ILK: variants seen among roughly 807,000 people sequenced by gnomAD.
The protein encoded by ILK is scaffold protein ILK.
A neutral mutation model predicts 57.8 loss-of-function variants in ILK; 37 were observed. That is an observed-to-expected ratio of 0.64 (90% CI 0.49 to 0.84). ILK has a LOEUF of 0.84. ILK is among the 40% of genes least tolerant of loss of function. The pLI is 0.00. For missense variants in ILK, 528 were observed against 595.7 expected, an observed-to-expected ratio of 0.89 and a Z score of 1.18; for synonymous variants, 231 against 202.2, an observed-to-expected ratio of 1.14 and a Z score of -1.21.
chr11:6,608,913 A>G lies in ILK; in HGVS notation c.478A>G (p.Asn160Asp). The G allele has an allele frequency of 6.2e-7, 1 of 1,613,984 alleles. No individual in the cohort carries two copies. The highest frequency in any genetic ancestry group is 8.5e-7 in the Non-Finnish European group (1 of 1,179,866). ...GGCAGAGAAGATGGGCCAGAATCTC[A>G]ACCGTATTCCATACAAGGACACATT... ...ERAEKMGQNLNRIPYKDTFWK... is the reference protein window; with the variant it reads ...ERAEKMGQNLDRIPYKDTFWK... Residue 160 changes from asparagine (N) to aspartate (D), a missense_variant, in exon 6 of 13, where the codon AAC becomes GAC. Asn to Asp is a conservative substitution (Grantham distance 23). Coordinates refer to ENST00000299421, the MANE Select transcript of ILK (RefSeq NM_004517.4). The surrounding 1 kb of genome is among the most constrained non-coding windows in gnomAD (Gnocchi z 4.9).
intron 11 of ILK, 25 bp downstream of exon 11, chr11:6,610,060 G>A (rs1286002827): frequency 1.2e-6 from 2 of 1,613,980 alleles, no homozygotes; most frequent in South Asian, 1.1e-5. Context: ...CATGTCGGGA[G>A]GTAAAAAAGG....
rs767383055 is a variant in ILK at position 6,609,128 on chromosome 11, C to A, written c.590C>A (p.Thr197Lys). ...GACTTCAAACAGCTTAACTTCCTGA[C>A]GAAGCTCAACGAGAATCACTCTGGA... is the stretch of plus-strand genomic sequence containing the variant. ...GIDFKQLNFL[T>K]KLNENHSGEL... Residue 197 changes from threonine to lysine, a missense_variant, in exon 7 of 13, where the codon ACG (threonine) becomes AAG (lysine). Physicochemically the swap from Thr to Lys is moderately conservative, Grantham distance 78. Transcript: ENST00000299421. The A allele has an allele frequency of 1.9e-6, 3 of 1,614,128 alleles. No homozygotes were observed. The highest frequency in any genetic ancestry group is 8.5e-7 in the Non-Finnish European group (1 of 1,179,956).
chr11:6,608,481 G>A lies in ILK; in HGVS notation c.343G>A (p.Val115Met). Reference sequence around the variant, plus strand: ...TGCCTGTTTTTGGGGCCAAGATCAAGTGGCAGAGGTGAGTACTCAGCCCTT... The same window carrying A: ...TGCCTGTTTTTGGGGCCAAGATCAAATGGCAGAGGTGAGTACTCAGCCCTT... The part of the protein sequence containing the change: ...HYACFWGQDQ[V>M]AEDLVANGAL... Residue 115 changes from valine (V) to methionine (M), a missense_variant, in exon 4 of 13, where the codon GTG becomes ATG. Val to Met is a conservative substitution (Grantham distance 21). Transcript: ENST00000299421. The surrounding 1 kb of genome is among the most constrained non-coding windows in gnomAD (Gnocchi z 4.9). 1 of 1,612,676 alleles carries A rather than the reference G, an allele frequency of 6.2e-7. No individual in the cohort carries two copies. The highest frequency in any genetic ancestry group is 8.5e-7 in the Non-Finnish European group (1 of 1,178,606).
intron 12 of ILK, 31 bp from the exon 13 acceptor site, chr11:6,610,431 T>C (rs756874251): frequency 6.2e-7 from 1 of 1,614,166 alleles, no homozygotes; most frequent in South Asian, 1.1e-5. Context: ...AGACTCAAAT[T>C]GTGAGGCTGC....
intron 2 of ILK, among the ~76,000 whole-genome samples, chr11:6,605,299 C>T (rs987427128): frequency 6.6e-6 from 1 of 151,958 alleles, no homozygotes; most frequent in Non-Finnish European, 1.5e-5. Context: ...TGAAGGAGAA[C>T]GTCTCAGGAG....
chr11:6,609,203 T>G, intron 7 of ILK, 47 bp downstream of exon 7: 1 of 1,600,314 alleles, frequency 6.2e-7, no homozygotes, highest in South Asian at 1.1e-5. Flanking sequence ...CCCCATAAAT[T>G]ACTTGCTTTG....
intron 2 of ILK, chr11:6,604,566 C>T (rs945459393): frequency 4.7e-6 from 3 of 643,504 alleles, no homozygotes; most frequent in Non-Finnish European, 8.4e-6. Flanking sequence ...CAGGCAGAGG[C>T]TACAGAGAGC....
Position 6,609,533 on chromosome 11 carries a change from G to T in ILK, c.750G>T (p.Val250=). Residue 250 remains valine, a synonymous_variant, in exon 9 of 13, where the codon GTG becomes GTT. Transcript: ENST00000299421. ...CTAGGATTTTCTCGCATCCAAATGT[G>T]CTCCCAGTGCTAGGTGCCTGCCAGT... ...PRLRIFSHPN[V]LPVLGACQSP... 6.2e-7 allele frequency: 1 copy of T among 1,614,058 alleles called. No homozygotes were observed. Among genetic ancestry groups the T allele is most frequent in the South Asian group, 1.1e-5 (1 of 91,072 alleles).
Position 6,608,441 on chromosome 11 carries a change from T to C in ILK, c.303T>C (p.Asn101=), listed in dbSNP as rs1315181167. Residue 101 remains asparagine (N), a synonymous_variant, in exon 4 of 13, where the codon AAT becomes AAC. Coordinates refer to ENST00000299421, the MANE Select transcript of ILK (RefSeq NM_004517.4). The surrounding 1 kb of genome is among the most constrained non-coding windows in gnomAD (Gnocchi z 4.9). The stretch of plus-strand genomic sequence containing the variant: ...TCAATGCAGTGAATGAACACGGGAA[T>C]GTGCCCCTGCACTATGCCTGTTTTT... ...ADINAVNEHG[N]VPLHYACFWG... is the part of the protein sequence containing the mutation. The C allele has an allele frequency of 6.2e-7, 1 of 1,614,212 alleles. No individual in the cohort carries two copies. The highest frequency in any genetic ancestry group is 8.5e-7 in the Non-Finnish European group (1 of 1,180,028).
chr11:6,608,782 T>C lies in ILK; in HGVS notation c.440T>C (p.Leu147Pro), dbSNP rs756684423. ...AAAGCCAAGGCACCCCTGAGAGAGC[T>C]TCTCCGAGGTCCATCTCCCCATCCC... ...VDKAKAPLRE[L>P]LRERAEKMGQ... Residue 147 changes from leucine to proline, a missense_variant, in exon 5 of 13, where the codon CTT (leucine) becomes CCT (proline). Physicochemically the swap from Leu to Pro is moderately conservative, Grantham distance 98 (BLOSUM62 -3). Coordinates refer to ENST00000299421, the MANE Select transcript of ILK (RefSeq NM_004517.4). This position sits in a 1 kb window ranked among gnomAD's most constrained non-coding sequence, Gnocchi z 4.9. The C allele has an allele frequency of 1.9e-6, 3 of 1,613,684 alleles. No homozygotes were observed. Among genetic ancestry groups the C allele is most frequent in the African/African-American group, 1.3e-5 (1 of 74,916 alleles).
Position 6,608,967 on chromosome 11 carries a change from CG to C in ILK, c.532+1del. ...GAAGGGGACCACCCGCACTCGGCCCCGTGAGTCACCACTGTGGGAAGAAGGG... is the reference window on the plus strand; with the variant it reads ...GAAGGGGACCACCCGCACTCGGCCCCTGAGTCACCACTGTGGGAAGAAGGG... On this transcript the variant is annotated splice_donor_variant, in intron 6 of 12. Coordinates refer to ENST00000299421, the MANE Select transcript of ILK (RefSeq NM_004517.4). LOFTEE classifies it high-confidence loss of function. This position sits in a 1 kb window ranked among gnomAD's most constrained non-coding sequence, Gnocchi z 4.9. 1 of 1,614,088 alleles carries C rather than the reference CG, an allele frequency of 6.2e-7. No individual in the cohort carries two copies. The highest frequency in any genetic ancestry group is 8.5e-7 in the Non-Finnish European group (1 of 1,179,948).
intron 2 of ILK, among the ~76,000 whole-genome samples, chr11:6,605,476 A>C (rs987218907): frequency 2.6e-5 from 4 of 152,046 alleles, no homozygotes; most frequent in Non-Finnish European, 5.9e-5. Flanking sequence ...ATCAAAGAAC[A>C]TTAATATTTT....
Position 6,608,007 on chromosome 11 carries a change from C to T in ILK, c.90-39C>T. 1 of 1,609,590 alleles carries T rather than the reference C, an allele frequency of 6.2e-7. No homozygotes were observed. Among genetic ancestry groups the T allele is most frequent in the Non-Finnish European group, 8.5e-7 (1 of 1,176,986 alleles). On this transcript the variant is annotated intron_variant, in intron 2 of 12. Coordinates refer to ENST00000299421, the MANE Select transcript of ILK (RefSeq NM_004517.4). This position sits in a 1 kb window ranked among gnomAD's most constrained non-coding sequence, Gnocchi z 4.9. ...TCAGGAATCAAAACCTTTGCCCCAT[C>T]CCACCTCCAGCTCAATGACCATTGC...
chr11:6,606,016 A>T (rs568795487), intron 2 of ILK, among the ~76,000 whole-genome samples: 1 of 152,314 alleles, frequency 6.6e-6, no homozygotes, highest in East Asian at 1.9e-4. Flanking sequence ...TCTACTAAAA[A>T]TACAAAAATT....
chr11:6,606,542 G>C (rs1854924723), intron 2 of ILK: 1 of 150,424 alleles, frequency 6.6e-6, no homozygotes, highest in Admixed American at 6.6e-5. Flanking sequence ...CAGTTGCCCA[G>C]TGGGCCTAGC....
chr11:6,610,395 G>C (rs546661999), intron 12 of ILK, 67 bp from the exon 13 acceptor site: 48 of 1,613,306 alleles, frequency 3.0e-5, no homozygotes, highest in South Asian at 2.6e-4. Flanking sequence ...CCTGTCCCAA[G>C]GGCCAGTGGC....
Position 6,610,800 on chromosome 11 carries a change from A to T in ILK, c.*189A>T. The T allele has an allele frequency of 7.3e-7, 1 of 1,370,582 alleles. No homozygotes were observed. The highest frequency in any genetic ancestry group is 1.0e-6 in the Non-Finnish European group (1 of 971,740). The allele number at this position is 1,370,582 out of a possible 1,614,324, so 84.9% of individuals were successfully genotyped here. On this transcript the variant is annotated 3_prime_UTR_variant, in exon 13 of 13. Coordinates refer to ENST00000299421, the MANE Select transcript of ILK (RefSeq NM_004517.4). ...AGAGGGGCGGGCTCAGAGCTTTGTC[A>T]CTTGCCACATGGTGTCTCCCAACAT...
Position 6,608,287 on chromosome 11 carries a change from A to G in ILK, c.255+76A>G. On this transcript the variant is annotated intron_variant, in intron 3 of 12. Transcript: ENST00000299421. The surrounding 1 kb of genome is among the most constrained non-coding windows in gnomAD (Gnocchi z 4.9). ...AGTCACAGGCACTGTAACATACAGT[A>G]GAAAGCATGTGTGCTCTTCCCCCTT... 6.3e-7 allele frequency: 1 copy of G among 1,575,822 alleles called. No homozygotes were observed. Among genetic ancestry groups the G allele is most frequent in the Non-Finnish European group, 8.7e-7 (1 of 1,145,190 alleles).
In ILK at chr11:6,609,295, G is replaced by A. The variant is rs553149713; in HGVS notation, c.619-4G>A. On this transcript the variant is annotated splice_polypyrimidine_tract_variant and splice_region_variant and intron_variant, in intron 7 of 12. Coordinates refer to ENST00000299421, the MANE Select transcript of ILK (RefSeq NM_004517.4). ...AAGCCTCCTAACCCCTACCTGTCCT[G>A]CAGCTATGGAAGGGCCGCTGGCAGG... 1.2e-6 allele frequency: 2 copies of A among 1,613,862 alleles called. No individual in the cohort carries two copies. The highest frequency in any genetic ancestry group is 1.7e-6 in the Non-Finnish European group (2 of 1,179,782).
Sources: allele counts gnomAD v4.1 joint callset (sites outside exome capture counted in the v4.1 genomes callset), GRCh38; gene constraint gnomAD v4.1.1; non-coding constraint Gnocchi (gnomAD v3.1); transcripts MANE v1.5; gene names NCBI Gene and HGNC (gene_info 2026-07-23, HGNC 2026-07-21).